The following ULK1 variants were observed in gnomAD, a reference collection of about 807,000 sequenced individuals.
The protein encoded by ULK1 is serine/threonine-protein kinase ULK1.
A neutral mutation model predicts 117.5 loss-of-function variants in ULK1; 48 were observed. The observed-to-expected ratio is 0.41, with a 90% confidence interval of 0.32 to 0.52. The LOEUF is 0.52. ULK1 is among the 20% of genes least tolerant of loss of function. ULK1 has a pLI of 0.29. For synonymous variants in ULK1, 790 were observed against 637.8 expected (o/e 1.24, Z -3.60); for missense variants, 1,387 against 1,473.4 (o/e 0.94, Z 0.96).
intron 26 of ULK1, 106 bp downstream of exon 26, chr12:131,920,242 G>C (rs768708259): frequency 5.1e-5 from 72 of 1,414,674 alleles, no homozygotes; most frequent in Non-Finnish European, 6.6e-5. Context: ...GACTTTGGGG[G>C]GTGTCACTTC....
At chr12:131,915,653 C>T (rs1889744894) in intron 18 of ULK1, among the ~76,000 whole-genome samples, 1 of 152,152 alleles carries the variant, frequency 6.6e-6, no homozygotes, top group South Asian at 2.1e-4. Flanking sequence ...AGTGGCGCCT[C>T]AGCTACTCGG....
In ULK1 at chr12:131,908,639, C is replaced by T. The variant is rs199840995; in HGVS notation, c.317-5C>T. 6.0e-5 allele frequency: 90 copies of T among 1,501,222 alleles called. No homozygotes were observed. In the East Asian group the frequency reaches 1.8e-3, roughly 30 times the overall value. The allele number at this position is 1,501,222 out of a possible 1,614,324, so 93.0% of individuals were successfully genotyped here. On this transcript the variant is annotated splice_polypyrimidine_tract_variant and splice_region_variant and intron_variant, in intron 5 of 27. Coordinates refer to ENST00000321867, the MANE Select transcript of ULK1 (RefSeq NM_003565.4). Reference sequence around the variant, plus strand: ...CCCCAGGCCCTGAGCCGCCTCTCCCCGCAGCCATGCGCACGCTGAGCGAGG... The same window carrying T: ...CCCCAGGCCCTGAGCCGCCTCTCCCTGCAGCCATGCGCACGCTGAGCGAGG...
At position 131,922,446 on chromosome 12, in the gene ULK1, G is replaced by GAT; in HGVS notation, c.*1085_*1086insAT. ...AACATGTGCAAAAGCTCCCCGTCCA[G>GAT]CTTTGACAGTCAGTTTTGATGTCAG... On this transcript the variant is annotated 3_prime_UTR_variant, in exon 28 of 28. Transcript: ENST00000321867. 3.8e-5 allele frequency: 7 copies of GAT among 185,236 alleles called. No homozygotes were observed. The highest frequency in any genetic ancestry group is 2.7e-4 in the South Asian group (3 of 11,020). The allele number at this position is 185,236 out of a possible 1,614,324, so 11.5% of individuals were successfully genotyped here. A position where few individuals can be genotyped will look rare whatever the true frequency, so the allele number is the denominator to read the frequency against.
chr12:131,916,918 C>G, intron 20 of ULK1, 35 bp from the exon 21 acceptor site: 1 of 1,566,530 alleles, frequency 6.4e-7, no homozygotes, highest in East Asian at 2.3e-5. Context: ...GTGGGGTGGG[C>G]CGGGCACCCA....
In ULK1 at chr12:131,917,220, GAGGCTGTGGGACGGGGGTCGGGTTCGGC is replaced by G. The variant is rs1318988052; in HGVS notation, c.2182+159_2183-163del. Among the ~76,000 whole-genome samples, 5 of 14,552 alleles carry G rather than the reference GAGGCTGTGGGACGGGGGTCGGGTTCGGC, an allele frequency of 3.4e-4. 1 individual carries two copies. The highest frequency in any genetic ancestry group is 7.5e-4 in the African/African-American group (1 of 1,336). The allele number at this position is 14,552 out of a possible 152,430, so 9.5% of individuals were successfully genotyped here. On this transcript the variant is annotated intron_variant, in intron 21 of 27. Transcript: ENST00000321867. ...GCTTGGAGGCTGTGGGATGGGGCTC[GAGGCTGTGGGACGGGGGTCGGGTTCGGC>G]TCGGAGGCTGTGGGACGGGGGTCGG...
rs1386175957 is a variant in ULK1 at position 131,920,040 on chromosome 12, G to A, written c.2865G>A (p.Leu955=). The A allele has an allele frequency of 1.9e-6, 3 of 1,612,852 alleles. No individual in the cohort carries two copies. In the South Asian group the frequency reaches 3.3e-5, roughly 18 times the overall value. The change falls in exon 26 of 28, where the codon CTG becomes CTA. Residue 955 remains leucine (L), a synonymous_variant. Transcript: ENST00000321867. ...ASVVSCQGLS[L]RLQRFFLDKQ... is the part of the protein sequence containing the mutation. ...TGGTGTCCTGCCAGGGCCTGAGCCT[G>A]CGGCTGCAGCGCTTCTTCCTGGACA... is the stretch of plus-strand genomic sequence containing the variant.
chr12:131,917,584 C>T (rs867643987), intron 22 of ULK1, 30 bp downstream of exon 22: 1 of 1,363,198 alleles, frequency 7.3e-7, no homozygotes, highest in Non-Finnish European at 9.5e-7. Context: ...AAGCCCTGTC[C>T]CTTTTGGGGT....
At chr12:131,896,084 C>T (rs1417482707) in intron 3 of ULK1, among the ~76,000 whole-genome samples, 2 of 152,180 alleles carry the variant, frequency 1.3e-5, no homozygotes, top group East Asian at 1.9e-4. Flanking sequence ...CATCCCCTCC[C>T]CGCCGGGCGT....
chr12:131,912,630 G>A (rs558480732), intron 13 of ULK1, among the ~76,000 whole-genome samples: 23 of 152,336 alleles, frequency 1.5e-4, no homozygotes, highest in African/African-American at 5.1e-4. Flanking sequence ...ACTGGTCCCC[G>A]TGTCTGCCAG....
At position 131,917,570 on chromosome 12, in the gene ULK1, G is replaced by A; in HGVS notation, c.2326+16G>A. ...ATGTTCTCAGGTGAGGGCTGGCTAG[G>A]CTGAAGCCCTGTCCCTTTTGGGGTG... On this transcript the variant is annotated intron_variant, in intron 22 of 27. Coordinates refer to ENST00000321867, the MANE Select transcript of ULK1 (RefSeq NM_003565.4). The A allele has an allele frequency of 7.1e-7, 1 of 1,403,750 alleles. No individual in the cohort carries two copies. The highest frequency in any genetic ancestry group is 9.3e-7 in the Non-Finnish European group (1 of 1,072,458). The allele number at this position is 1,403,750 out of a possible 1,614,324, so 87.0% of individuals were successfully genotyped here.
At chr12:131,901,500 C>G (rs2136381656) in intron 3 of ULK1, among the ~76,000 whole-genome samples, 1 of 152,348 alleles carries the variant, frequency 6.6e-6, no homozygotes, top group African/African-American at 2.4e-5. Context: ...CTCCTCCCTC[C>G]TATCGAGGGC....
rs1356716070 is a variant in ULK1 at position 131,918,526 on chromosome 12, G to A, written c.2356G>A (p.Ala786Thr). The change falls in exon 23 of 28, where the codon GCC (alanine) becomes ACC (threonine). Residue 786 changes from alanine (A) to threonine (T), a missense_variant. Coordinates refer to ENST00000321867, the MANE Select transcript of ULK1 (RefSeq NM_003565.4). ...CCCCACTGGCTCTGCCAGCTCTTCT[G>A]CCCGCCACCTGGTGCCTGGGCCCTG... ...AGPTGSASSS[A>T]RHLVPGPCSE... 6.2e-7 allele frequency: 1 copy of A among 1,610,804 alleles called. No homozygotes were observed. The highest frequency in any genetic ancestry group is 1.7e-4 in the Middle Eastern group (1 of 6,014).
chr12:131,921,870 C>T lies in ULK1; in HGVS notation c.*509C>T, dbSNP rs758055266. 1 of 459,230 alleles carries T rather than the reference C, an allele frequency of 2.2e-6. No homozygotes were observed. The highest frequency in any genetic ancestry group is 1.5e-5 in the South Asian group (1 of 64,576). 28.4% of individuals were successfully genotyped at this position (459,230 alleles called of 1,614,324 possible). ...GCATATAGAGACAGAACCTGGACCT[C>T]ACCAGGGACTGCTGGGCAGCGATTC... On this transcript the variant is annotated 3_prime_UTR_variant, in exon 28 of 28. Coordinates refer to ENST00000321867, the MANE Select transcript of ULK1 (RefSeq NM_003565.4).
Position 131,903,530 on chromosome 12 carries a change from T to C in ULK1, c.247-3362T>C, listed in dbSNP as rs1457866535. 6.6e-6 allele frequency among the ~76,000 whole-genome samples: 1 copy of C among 152,074 alleles called. No individual in the cohort carries two copies. Among genetic ancestry groups the C allele is most frequent in the Non-Finnish European group, 1.5e-5 (1 of 67,998 alleles). Reference sequence around the variant, plus strand: ...GCTCTCGGAGGCACGGGAAAGGCCCTGGTGTGCCCCGATGCCCAGCTCAGG... The same window carrying C: ...GCTCTCGGAGGCACGGGAAAGGCCCCGGTGTGCCCCGATGCCCAGCTCAGG... On this transcript the variant is annotated intron_variant, in intron 3 of 27. Coordinates refer to ENST00000321867, the MANE Select transcript of ULK1 (RefSeq NM_003565.4). The surrounding 1 kb of genome is among the most constrained non-coding windows in gnomAD (Gnocchi z 6.0).
chr12:131,910,198 G>T, intron 10 of ULK1, 56 bp from the exon 11 acceptor site: 4 of 1,608,212 alleles, frequency 2.5e-6, no homozygotes, highest in South Asian at 1.1e-5. Context: ...GGGAGGCAGG[G>T]GCCTGGGGTC....
At chr12:131,909,289 G>A (rs747424023) in intron 8 of ULK1, 52 bp downstream of exon 8, 4 of 1,505,040 alleles carry the variant, frequency 2.7e-6, no homozygotes, top group Non-Finnish European at 3.6e-6. Flanking sequence ...GCAAGTGTCC[G>A]CCAGCTGCGG....
chr12:131,919,003 G>A (rs1566129382), intron 23 of ULK1, among the ~76,000 whole-genome samples: 1 of 139,694 alleles, frequency 7.2e-6, no homozygotes. Flanking sequence ...TGGGGTGCAG[G>A]GTGTGTGGGG....
At chr12:131,907,008 A>G (rs1593263816) in intron 4 of ULK1, 84 bp downstream of exon 4, 2 of 1,561,202 alleles carry the variant, frequency 1.3e-6, no homozygotes, top group South Asian at 1.1e-5. Flanking sequence ...GGCTGGGGGG[A>G]GGGTGATGAG....
rs760045715 is a variant in ULK1 at position 131,910,285 on chromosome 12, C to T, written c.840C>T (p.Ala280=). Residue 280 remains alanine (A), a synonymous_variant, in exon 11 of 28, where the codon GCC becomes GCT. Transcript: ENST00000321867. The part of the protein sequence containing the change: ...DEFFHHPFLD[A]SPSVRKSPPV... ...TTTTTCATCACCCTTTCCTCGATGC[C>T]AGCCCCTCGGTCAGGAAATGTGAGT... is the stretch of plus-strand genomic sequence containing the variant. The T allele has an allele frequency of 1.6e-5, 26 of 1,613,794 alleles. No individual in the cohort carries two copies. In the Admixed American group the frequency reaches 4.0e-4, roughly 25 times the overall value.
Sources: gnomAD v4.1 joint callset for allele counts (sites outside exome capture counted in the v4.1 genomes callset) on GRCh38, gnomAD v4.1.1 for gene constraint, Gnocchi (gnomAD v3.1) non-coding constraint, MANE v1.5 for transcripts, NCBI Gene and HGNC (gene_info 2026-07-23, HGNC 2026-07-21) for gene names.